LYPLAL1: variants seen among roughly 807,000 people sequenced by gnomAD.
LYPLAL1 encodes lysophospholipase-like protein 1.
In LYPLAL1, 23 loss-of-function variants were observed where a neutral mutation model predicts 19.7. The ratio of observed to expected loss-of-function variants is 1.17; its 90% CI spans 0.84 to 1.65. The LOEUF (loss-of-function observed/expected upper bound fraction) is 1.65, where lower values mean the gene tolerates loss of function less well. LYPLAL1 is among the 40% of genes most tolerant of loss of function. LYPLAL1 has a pLI of 0.00. For missense variants in LYPLAL1, 355 were observed against 279.4 expected (o/e 1.27, Z -1.93); for synonymous variants, 119 against 96.3 (o/e 1.24, Z -1.38).
At chr1:219,416,283 G>A in the LYPLAL1 span, among the ~76,000 whole-genome samples, 2 of 152,128 alleles carry the variant, frequency 1.3e-5, no homozygotes, top group Admixed American at 1.3e-4. Context: ...CAGTTTCTCA[G>A]ACCTTCCTTG....
the LYPLAL1 span, among the ~76,000 whole-genome samples, chr1:219,429,642 G>A: frequency 6.6e-6 from 1 of 152,214 alleles, no homozygotes; most frequent in Non-Finnish European, 1.5e-5. Context: ...GGGTGGCAGA[G>A]TGAGACCCTG....
the LYPLAL1 span, among the ~76,000 whole-genome samples, chr1:219,232,977 C>G: frequency 3.3e-5 from 5 of 151,946 alleles, no homozygotes; most frequent in Non-Finnish European, 5.9e-5. Context: ...AAACAATATT[C>G]CAGTTCCTCA....
the LYPLAL1 span, among the ~76,000 whole-genome samples, chr1:219,340,071 G>A: frequency 6.6e-6 from 1 of 151,834 alleles, no homozygotes; most frequent in Non-Finnish European, 1.5e-5. Flanking sequence ...CAAACATTAT[G>A]TGCTGATGAA....
the LYPLAL1 span, among the ~76,000 whole-genome samples, chr1:219,417,814 G>C: frequency 6.6e-6 from 1 of 152,256 alleles, no homozygotes; most frequent in African/African-American, 2.4e-5. Context: ...GCCTTCCAAG[G>C]CATGTCGGGC....
the LYPLAL1 span, among the ~76,000 whole-genome samples, chr1:219,229,146 G>C: frequency 6.6e-6 from 1 of 151,906 alleles, no homozygotes; most frequent in Admixed American, 6.6e-5. Context: ...TTGAGAGTAA[G>C]TAAAAGGAGA....
chr1:219,419,625 T>C, the LYPLAL1 span, among the ~76,000 whole-genome samples: 1 of 128,558 alleles, frequency 7.8e-6, no homozygotes, highest in East Asian at 2.1e-4. Flanking sequence ...AAATGTGCTT[T>C]AGCTTCCACA....
rs187331655 is a variant in LYPLAL1, at chr1:219,193,121, G to A, written c.231G>A (p.Trp77Ter). Residue 77 changes from tryptophan to a stop codon, truncating the protein, a stop_gained, in exon 3 of 5, where the codon TGG (tryptophan) becomes TGA (stop). Coordinates refer to ENST00000366928, the MANE Select transcript of LYPLAL1 (RefSeq NM_138794.5). LOFTEE classifies it high-confidence loss of function. ...TPMKGGISNV[W>*]FDRFKITNDC... is the part of the protein sequence containing the mutation. Reference sequence around the variant, plus strand: ...TGAAAGGAGGAATCTCCAATGTATGGTTTGACAGATTTAAAATAACCAATG... The same window carrying A: ...TGAAAGGAGGAATCTCCAATGTATGATTTGACAGATTTAAAATAACCAATG... 1.8e-5 allele frequency: 29 copies of A among 1,608,690 alleles called. 1 individual carries two copies. Among genetic ancestry groups the A allele is most frequent in the Middle Eastern group, 1.7e-4 (1 of 6,032 alleles).
the LYPLAL1 span, among the ~76,000 whole-genome samples, chr1:219,386,800 T>C: frequency 6.6e-6 from 1 of 152,156 alleles, no homozygotes; most frequent in Admixed American, 6.6e-5. Flanking sequence ...GACCATCTTT[T>C]TGAATTTTCC....
At chr1:219,300,557 T>C in the LYPLAL1 span, among the ~76,000 whole-genome samples, 1 of 113,886 alleles carries the variant, frequency 8.8e-6, no homozygotes, top group African/African-American at 3.4e-5. Context: ...TTTTTTGAGA[T>C]GGAGTCTCGC....
the LYPLAL1 span, among the ~76,000 whole-genome samples, chr1:219,365,260 C>T: frequency 2.0e-5 from 3 of 151,910 alleles, no homozygotes; most frequent in Admixed American, 6.6e-5. Context: ...GAAAGGAGGT[C>T]GACTGGATCT....
chr1:219,444,224 T>C, the LYPLAL1 span, among the ~76,000 whole-genome samples: 1 of 152,244 alleles, frequency 6.6e-6, no homozygotes, highest in African/African-American at 2.4e-5. Context: ...CATTTGCATA[T>C]TTACATCAAA....
At chr1:219,189,737 G>T (rs939275954) in intron 2 of LYPLAL1, among the ~76,000 whole-genome samples, 2 of 151,640 alleles carry the variant, frequency 1.3e-5, no homozygotes, top group East Asian at 3.9e-4. Context: ...GCAAAAATCT[G>T]CCCTCCTCAT....
At chr1:219,175,451 C>T (rs1427155049) in intron 1 of LYPLAL1, among the ~76,000 whole-genome samples, 3 of 152,158 alleles carry the variant, frequency 2.0e-5, no homozygotes, top group Non-Finnish European at 4.4e-5. Context: ...TACCCTTTCT[C>T]ATAATCAATT....
chr1:219,204,389 G>C (rs953154517), intron 3 of LYPLAL1, among the ~76,000 whole-genome samples: 7 of 152,136 alleles, frequency 4.6e-5, no homozygotes, highest in African/African-American at 1.7e-4. Context: ...CAGAATATAA[G>C]CATTTTATTG....
At chr1:219,425,165 C>G in the LYPLAL1 span, among the ~76,000 whole-genome samples, 1 of 152,110 alleles carries the variant, frequency 6.6e-6, no homozygotes, top group South Asian at 2.1e-4. Flanking sequence ...TCACAGGGTG[C>G]AAGGGGCAAG....
chr1:219,178,936 C>G (rs1451354783), intron 1 of LYPLAL1, among the ~76,000 whole-genome samples: 1 of 151,858 alleles, frequency 6.6e-6, no homozygotes, highest in Non-Finnish European at 1.5e-5. Context: ...ATGGTGAAGC[C>G]AGGAGTAAAA....
chr1:219,380,483 G>A, the LYPLAL1 span, among the ~76,000 whole-genome samples: 2 of 152,238 alleles, frequency 1.3e-5, no homozygotes, highest in Non-Finnish European at 2.9e-5. Flanking sequence ...TCATTGCTGG[G>A]AGCATCCCAA....
intron 2 of LYPLAL1, among the ~76,000 whole-genome samples, chr1:219,190,322 T>C (rs755308160): frequency 4.6e-5 from 7 of 151,514 alleles, no homozygotes; most frequent in Non-Finnish European, 8.9e-5. Context: ...CACTGTTTGC[T>C]GAGAAGGGTG....
chr1:219,197,848 T>A (rs1385344093), intron 3 of LYPLAL1, among the ~76,000 whole-genome samples: 1 of 151,970 alleles, frequency 6.6e-6, no homozygotes, highest in Non-Finnish European at 1.5e-5. Flanking sequence ...CAGAAACAAA[T>A]CTTAAATGAA....
Sources: allele counts gnomAD v4.1 joint callset (sites outside exome capture counted in the v4.1 genomes callset), GRCh38; gene constraint gnomAD v4.1.1; transcripts MANE v1.5; gene names NCBI Gene and HGNC (gene_info 2026-07-23, HGNC 2026-07-21).